The following CDC42SE1 variants were observed in gnomAD, a reference collection of about 807,000 sequenced individuals.
The protein encoded by CDC42SE1 is CDC42 small effector 1.
In CDC42SE1, 10 loss-of-function variants were observed where a neutral mutation model predicts 10.9. The observed-to-expected ratio is 0.92, with a 90% CI of 0.57 to 1.56. The LOEUF is 1.56. Among genes scored for constraint, CDC42SE1 ranks in the 40% most tolerant of loss-of-function variants. CDC42SE1 has a pLI of 0.00. For missense variants in CDC42SE1, 81 were observed against 100.8 expected (o/e 0.80, Z 0.84); for synonymous variants, 24 against 32.0 (o/e 0.75, Z 0.85).
intron 3 of CDC42SE1, among the ~76,000 whole-genome samples, chr1:151,054,555 A>G (rs1028461347): frequency 6.6e-6 from 1 of 152,154 alleles, no homozygotes; most frequent in African/African-American, 2.4e-5. Context: ...ATTCTCCCCT[A>G]TATATCTGAG....
chr1:151,056,850 C>T (rs1676287735), intron 1 of CDC42SE1: 1 of 152,418 alleles, frequency 6.6e-6, no homozygotes, highest in South Asian at 2.1e-4. Context: ...ATTTTCCCCA[C>T]CGTCCACATG....
chr1:151,058,486 C>A (rs960566353), intron 1 of CDC42SE1: 10 of 152,198 alleles, frequency 6.6e-5, no homozygotes, highest in African/African-American at 2.4e-4. Context: ...AGCTGGTCAG[C>A]CCAGGCGGAA....
rs1482286496 is a variant in CDC42SE1, at chr1:151,057,864, A to C, written c.-264+1615T>G. 1 of 152,182 alleles carries C rather than the reference A, an allele frequency of 6.6e-6. No homozygotes were observed. Among genetic ancestry groups the C allele is most frequent in the African/African-American group, 2.4e-5 (1 of 41,324 alleles). The allele number at this position is 152,182 out of a possible 1,614,324, so 9.4% of individuals were successfully genotyped here. On this transcript the variant is annotated intron_variant, in intron 1 of 4. Transcript: ENST00000357235. The surrounding 1 kb of genome is among the most constrained non-coding windows in gnomAD (Gnocchi z 4.0). Reference sequence around the variant, plus strand: ...TCTCTTCTCACCACTGGAAGGGAGGAGTAACCAGAAGGAGCGGAAGCTAAA... The same window carrying C: ...TCTCTTCTCACCACTGGAAGGGAGGCGTAACCAGAAGGAGCGGAAGCTAAA...
At chr1:151,055,184 G>T in intron 2 of CDC42SE1, 58 bp from the exon 3 acceptor site, 2 of 1,286,772 alleles carry the variant, frequency 1.6e-6, no homozygotes, top group Non-Finnish European at 2.3e-6. Flanking sequence ...CAGCACGGAG[G>T]AAGGGAAAAG....
In CDC42SE1 at chr1:151,056,030, A is replaced by C. The variant is rs1676271407; in HGVS notation, c.-263-37T>G. On this transcript the variant is annotated intron_variant, in intron 1 of 4. Coordinates refer to ENST00000357235, the MANE Select transcript of CDC42SE1 (RefSeq NM_020239.4). ...GAAAGTAAAAAGAAAGATCAGTGAG[A>C]AATCTCCCCCTCCCCCAATCCTTGA... 5 of 440,872 alleles carry C rather than the reference A, an allele frequency of 1.1e-5. No homozygotes were observed. The South Asian group carries it at 1.2e-4, about 11-fold the overall frequency. The allele number at this position is 440,872 out of a possible 1,614,324, so 27.3% of individuals were successfully genotyped here. A position where few individuals can be genotyped will look rare whatever the true frequency, so the allele number is the denominator to read the frequency against.
intron 3 of CDC42SE1, 87 bp from the exon 4 acceptor site, chr1:151,054,408 G>A (rs587655200): frequency 4.8e-6 from 5 of 1,040,838 alleles, no homozygotes; most frequent in South Asian, 1.3e-5. Flanking sequence ...GGAAGAGGCT[G>A]ACGCCATCTC....
Position 151,055,657 on chromosome 1 carries a change from T to TG in CDC42SE1, c.54+19dup. The TG allele has an allele frequency of 1.2e-6, 2 of 1,604,822 alleles. No individual in the cohort carries two copies. The highest frequency in any genetic ancestry group is 1.7e-6 in the Non-Finnish European group (2 of 1,172,408). On this transcript the variant is annotated intron_variant, in intron 2 of 4. Coordinates refer to ENST00000357235, the MANE Select transcript of CDC42SE1 (RefSeq NM_020239.4). ...TAACTGACTGCTCTTTGGGTTAGGATGGGGGGTGGGGAGACTCACCGGCTG... is the reference window on the plus strand; with the variant it reads ...TAACTGACTGCTCTTTGGGTTAGGATGGGGGGGTGGGGAGACTCACCGGCTG...
In CDC42SE1 at chr1:151,055,660, G is replaced by T. The variant is rs143414159; in HGVS notation, c.54+17C>A. On this transcript the variant is annotated intron_variant, in intron 2 of 4. Transcript: ENST00000357235. Reference sequence around the variant, plus strand: ...CTGACTGCTCTTTGGGTTAGGATGGGGGGTGGGGAGACTCACCGGCTGGGG... The same window carrying T: ...CTGACTGCTCTTTGGGTTAGGATGGTGGGTGGGGAGACTCACCGGCTGGGG... The T allele has an allele frequency of 1.0e-3, 1,615 of 1,606,394 alleles. 12 individuals are homozygous for T. In the African/African-American group the frequency reaches 0.018, roughly 18 times the overall value.
chr1:151,055,717 C>A lies in CDC42SE1; in HGVS notation c.14G>T (p.Trp5Leu). The change falls in exon 2 of 5, where the codon TGG becomes TTG. Residue 5 changes from tryptophan (W) to leucine (L), a missense_variant. By Grantham distance (61) the Trp-to-Leu change is moderately conservative (BLOSUM62 -2). Transcript: ENST00000357235. MSEFWHKLGCCVVEK... is the reference protein window; with the variant it reads MSEFLHKLGCCVVEK... ...TACCACACAGCAGCCCAGTTTGTGC[C>A]AAAATTCACTCATGTTCCCTGATGG... The A allele has an allele frequency of 6.2e-7, 1 of 1,613,340 alleles. No homozygotes were observed. The highest frequency in any genetic ancestry group is 8.5e-7 in the Non-Finnish European group (1 of 1,179,530).
chr1:151,055,224 C>A, intron 2 of CDC42SE1, 98 bp from the exon 3 acceptor site: 1 of 877,084 alleles, frequency 1.1e-6, no homozygotes, highest in Non-Finnish European at 1.9e-6. Flanking sequence ...AAGCTAAGGG[C>A]CTGGTGGGAA....
At chr1:151,058,615 CCTCT>C (rs1448957449) in intron 1 of CDC42SE1, 2 of 152,584 alleles carry the variant, frequency 1.3e-5, no homozygotes, top group African/African-American at 2.4e-5. Flanking sequence ...CAGAACTCGA[CCTCT>C]CTGAGTTCCA....
chr1:151,055,983 G>A lies in CDC42SE1; in HGVS notation c.-253C>T. ...CAGGCACAAGGTTATGTCTTCCTCA[G>A]ACTCGGAACCCTGGATTAGAAGAAA... On this transcript the variant is annotated 5_prime_UTR_variant, in exon 2 of 5. Coordinates refer to ENST00000357235, the MANE Select transcript of CDC42SE1 (RefSeq NM_020239.4). The A allele has an allele frequency of 1.8e-6, 1 of 547,814 alleles. No individual in the cohort carries two copies. The highest frequency in any genetic ancestry group is 3.3e-6 in the Non-Finnish European group (1 of 305,256). The allele number at this position is 547,814 out of a possible 1,614,324, so 33.9% of individuals were successfully genotyped here.
rs1458371084 is a variant in CDC42SE1, at chr1:151,055,988, G to A, written c.-258C>T. On this transcript the variant is annotated 5_prime_UTR_variant, in exon 2 of 5. Transcript: ENST00000357235. ...ACAAGGTTATGTCTTCCTCAGACTC[G>A]GAACCCTGGATTAGAAGAAAGTAAA... 5.6e-6 allele frequency: 3 copies of A among 538,892 alleles called. No homozygotes were observed. Among genetic ancestry groups the A allele is most frequent in the South Asian group, 4.6e-5 (2 of 43,460 alleles). The allele number at this position is 538,892 out of a possible 1,614,324, so 33.4% of individuals were successfully genotyped here.
intron 4 of CDC42SE1, among the ~76,000 whole-genome samples, chr1:151,053,574 C>T (rs1292979982): frequency 1.3e-5 from 2 of 152,036 alleles, no homozygotes; most frequent in South Asian, 2.1e-4. Context: ...CTCCACCTCC[C>T]GAGTTCAAGT....
At position 151,055,115 on chromosome 1, in the gene CDC42SE1, TCTC is replaced by T. The variant is rs752981602; in HGVS notation, c.63_65del (p.Arg24del). 9.3e-6 allele frequency: 15 copies of T among 1,612,622 alleles called. No individual in the cohort carries two copies. The highest frequency in any genetic ancestry group is 6.7e-5 in the African/African-American group (5 of 74,550). Reference sequence around the variant, plus strand: ...CAATCATGGTCCGGTCAATCCGTCTTCTCTTCTTCTTCTGCTTGGAGAAGATAA... The same window carrying T: ...CAATCATGGTCCGGTCAATCCGTCTTTTCTTCTTCTGCTTGGAGAAGATAA... On this transcript the variant is annotated inframe_deletion, in exon 3 of 5. Coordinates refer to ENST00000357235, the MANE Select transcript of CDC42SE1 (RefSeq NM_020239.4).
intron 4 of CDC42SE1, among the ~76,000 whole-genome samples, chr1:151,053,809 T>C (rs922476785): frequency 2.7e-5 from 4 of 147,926 alleles, no homozygotes; most frequent in Non-Finnish European, 6.0e-5. Flanking sequence ...AATCTTCCCT[T>C]CTAATTCCTC....
At chr1:151,058,919 G>C (rs1441137306) in intron 1 of CDC42SE1, 1 of 152,456 alleles carries the variant, frequency 6.6e-6, no homozygotes, top group Non-Finnish European at 1.5e-5. Flanking sequence ...GGCAATTCTG[G>C]CTAGAAGCCC....
intron 1 of CDC42SE1, chr1:151,058,514 C>T (rs886228371): frequency 2.6e-5 from 4 of 152,382 alleles, no homozygotes; most frequent in African/African-American, 4.8e-5. Context: ...CCGAATCCAA[C>T]CCCACAGTGA....
intron 4 of CDC42SE1, among the ~76,000 whole-genome samples, chr1:151,054,023 G>GT (rs1282871592): frequency 6.6e-6 from 1 of 151,582 alleles, no homozygotes; most frequent in African/African-American, 2.4e-5. Context: ...TAGAGACAGG[G>GT]TTTTGCCTCG....
Sources: gnomAD v4.1 joint callset for allele counts (sites outside exome capture counted in the v4.1 genomes callset) on GRCh38, gnomAD v4.1.1 for gene constraint, Gnocchi (gnomAD v3.1) non-coding constraint, MANE v1.5 for transcripts, NCBI Gene and HGNC (gene_info 2026-07-23, HGNC 2026-07-21) for gene names.